Variants in NCLN observed in about 807,000 individuals in gnomAD.
NCLN encodes nicalin.
A neutral mutation model predicts 69.5 loss-of-function variants in NCLN; 34 were observed. The ratio of observed to expected loss-of-function variants is 0.49; its 90% CI spans 0.37 to 0.65. NCLN has a LOEUF of 0.65. NCLN is among the 30% of genes least tolerant of loss of function. NCLN has a pLI of 0.00. For synonymous variants in NCLN, 393 were observed against 358.3 expected, an observed-to-expected ratio of 1.10 and a Z score of -1.09; for missense variants, 710 against 804.8, an observed-to-expected ratio of 0.88 and a Z score of 1.42.
rs553618444 is a variant in NCLN, at chr19:3,187,703, C to T, written c.184+1489C>T. ...GGACGCTGCTCAATTCCCTGTAGTG[C>T]CCAGGACGGCCCCACCCCAGAGAAC... On this transcript the variant is annotated intron_variant, in intron 1 of 14. Coordinates refer to ENST00000246117, the MANE Select transcript of NCLN (RefSeq NM_020170.4). Among the ~76,000 whole-genome samples the T allele has an allele frequency of 2.0e-5, 3 of 152,306 alleles. No homozygotes were observed. The South Asian group carries it at 6.2e-4, about 32-fold the overall frequency.
Position 3,204,738 on chromosome 19 carries a change from A to G in NCLN, c.1195A>G (p.Ile399Val). Residue 399 changes from isoleucine (I) to valine (V), a missense_variant, in exon 9 of 15, where the codon ATC becomes GTC. Physicochemically the swap from Ile to Val is conservative, Grantham distance 29. Transcript: ENST00000246117. ...ESHRDGQRSS[I>V]MDVRSRVDSK... ...CCACCGTGACGGCCAGCGCAGCAGC[A>G]TCATGGACGTGCGGTGAGCGCGGCA... The G allele has an allele frequency of 6.4e-7, 1 of 1,551,096 alleles. No individual in the cohort carries two copies. Among genetic ancestry groups the G allele is most frequent in the Non-Finnish European group, 8.7e-7 (1 of 1,147,688 alleles).
Position 3,205,489 on chromosome 19 carries a change from G to A in NCLN, c.1209-450G>A, listed in dbSNP as rs542274322. 5.3e-5 allele frequency among the ~76,000 whole-genome samples: 8 copies of A among 152,300 alleles called. No homozygotes were observed. The South Asian group carries it at 1.7e-3, about 32-fold the overall frequency. ...CCTGGAAAGGATGGAGGTGGCGGTC[G>A]CCCACCAGCCAGGAAAGATTGCCAG... On this transcript the variant is annotated intron_variant, in intron 9 of 14. Transcript: ENST00000246117. This position sits in a 1 kb window ranked among gnomAD's most constrained non-coding sequence, Gnocchi z 4.6.
At chr19:3,207,331 A>G (rs1465778559) in intron 13 of NCLN, 60 bp from the exon 14 acceptor site, 4 of 1,612,378 alleles carry the variant, frequency 2.5e-6, no homozygotes, top group South Asian at 1.1e-5. Flanking sequence ...ACGGGGGTCT[A>G]GGGGTTCATG....
intron 14 of NCLN, 72 bp from the exon 15 acceptor site, chr19:3,207,557 C>A: frequency 6.2e-7 from 1 of 1,607,510 alleles, no homozygotes; most frequent in Non-Finnish European, 8.5e-7. Flanking sequence ...TGGCCCCTGG[C>A]TCAGCCTAGA....
Position 3,206,201 on chromosome 19 carries a change from C to G in NCLN, c.1335+11C>G, listed in dbSNP as rs1430745405. On this transcript the variant is annotated intron_variant, in intron 11 of 14. Transcript: ENST00000246117. ...TTCACAGAGCAGATGGTAAGGGGGC[C>G]AGGCCAGTGGGTGGGTGGGTGGGCG... 3.7e-6 allele frequency: 4 copies of G among 1,083,342 alleles called. No individual in the cohort carries two copies. Among genetic ancestry groups the G allele is most frequent in the Non-Finnish European group, 4.9e-6 (4 of 814,888 alleles). 67.1% of individuals were successfully genotyped at this position (1,083,342 alleles called of 1,614,324 possible). A position where few individuals can be genotyped will look rare whatever the true frequency, so the allele number is the denominator to read the frequency against.
At chr19:3,201,755 T>C in intron 6 of NCLN, 129 bp downstream of exon 6, 3 of 736,000 alleles carry the variant, frequency 4.1e-6, no homozygotes, top group Non-Finnish European at 6.4e-6. Flanking sequence ...AGCCCAGGAA[T>C]TGGGGCGCCT....
intron 4 of NCLN, among the ~76,000 whole-genome samples, chr19:3,197,974 C>T (rs1328743945): frequency 6.6e-6 from 1 of 152,236 alleles, no homozygotes; most frequent in Non-Finnish European, 1.5e-5. Flanking sequence ...GCAAGCCGTC[C>T]ATGGCAGTTT....
At chr19:3,197,049 A>G (rs993664674) in intron 4 of NCLN, among the ~76,000 whole-genome samples, 1 of 152,236 alleles carries the variant, frequency 6.6e-6, no homozygotes, top group Non-Finnish European at 1.5e-5. Context: ...CCGGCTCCCC[A>G]TAGACAGGCC....
In NCLN at chr19:3,207,389, A is replaced by G; in HGVS notation, c.1554-2A>G. ...ACCTCAGGGACCCTGCTTTCTCCAC[A>G]GAGTCAAGCCGGCCGTCTTTGACCT... On this transcript the variant is annotated splice_acceptor_variant, in intron 13 of 14. Coordinates refer to ENST00000246117, the MANE Select transcript of NCLN (RefSeq NM_020170.4). LOFTEE classifies it high-confidence loss of function. 6.2e-7 allele frequency: 1 copy of G among 1,613,088 alleles called. No homozygotes were observed. The highest frequency in any genetic ancestry group is 1.1e-5 in the South Asian group (1 of 91,084).
chr19:3,187,231 C>T (rs1342911278), intron 1 of NCLN, among the ~76,000 whole-genome samples: 1 of 152,234 alleles, frequency 6.6e-6, no homozygotes, highest in Non-Finnish European at 1.5e-5. Context: ...GGCCCTGACC[C>T]CAGTGTCTAG....
rs987803314 is a variant in NCLN at position 3,207,924 on chromosome 19, G to A, written c.*236G>A. 2.2e-5 allele frequency: 12 copies of A among 534,760 alleles called. No homozygotes were observed. Among genetic ancestry groups the A allele is most frequent in the African/African-American group, 2.1e-4 (11 of 52,354 alleles). 33.1% of individuals were successfully genotyped at this position (534,760 alleles called of 1,614,324 possible). On this transcript the variant is annotated 3_prime_UTR_variant, in exon 15 of 15. Coordinates refer to ENST00000246117, the MANE Select transcript of NCLN (RefSeq NM_020170.4). ...TTCCTTGGAGGAGAGCTTGGGAGAC[G>A]TCCCGGGGCCAGGCTACGGACTTGC...
chr19:3,185,962 T>G lies in NCLN; in HGVS notation c.-69T>G, dbSNP rs1341979524. The stretch of plus-strand genomic sequence containing the variant: ...CGGCGGCTACCCATGCCGAGGTGAG[T>G]CCGCGGGAGCCGCCGCCGCCGCCGT... On this transcript the variant is annotated 5_prime_UTR_variant, in exon 1 of 15. Transcript: ENST00000246117. The G allele has an allele frequency of 5.4e-6, 7 of 1,294,514 alleles. No individual in the cohort carries two copies. Among genetic ancestry groups the G allele is most frequent in the Non-Finnish European group, 7.0e-6 (7 of 1,003,914 alleles). The allele number at this position is 1,294,514 out of a possible 1,614,324, so 80.2% of individuals were successfully genotyped here.
intron 1 of NCLN, among the ~76,000 whole-genome samples, chr19:3,190,891 C>A (rs1915803695): frequency 6.6e-6 from 1 of 152,152 alleles, no homozygotes; most frequent in Non-Finnish European, 1.5e-5. Context: ...ATTGGGATTT[C>A]CGGCTTCTGG....
intron 1 of NCLN, among the ~76,000 whole-genome samples, chr19:3,189,182 C>T (rs879318341): frequency 3.3e-5 from 5 of 152,160 alleles, no homozygotes; most frequent in Admixed American, 6.5e-5. Context: ...CTGGCCCTGC[C>T]GGGTGAAGGC....
chr19:3,193,207 G>A, intron 2 of NCLN, 77 bp from the exon 3 acceptor site: 1 of 1,388,690 alleles, frequency 7.2e-7, no homozygotes, highest in African/African-American at 1.5e-5. Context: ...CCCCCACCAG[G>A]GACAGTCACT....
At chr19:3,203,668 C>T in intron 6 of NCLN, 88 bp from the exon 7 acceptor site, 1 of 1,219,168 alleles carries the variant, frequency 8.2e-7, no homozygotes, top group East Asian at 2.5e-5. Flanking sequence ...ACCTTCATAC[C>T]CTTCCTGGGG....
chr19:3,207,533 C>T (rs760517843), intron 14 of NCLN, 64 bp downstream of exon 14: 1 of 1,608,122 alleles, frequency 6.2e-7, no homozygotes, highest in East Asian at 2.2e-5. Context: ...GGCTGGGCGT[C>T]TCCAAGTGCA....
chr19:3,186,878 T>C (rs1299915256), intron 1 of NCLN, among the ~76,000 whole-genome samples: 1 of 151,744 alleles, frequency 6.6e-6, no homozygotes, highest in East Asian at 1.9e-4. Flanking sequence ...CTGAATTTTC[T>C]CGCTCTAGTC....
At chr19:3,199,715 T>G (rs1286335070) in intron 5 of NCLN, among the ~76,000 whole-genome samples, 8 of 85,398 alleles carry the variant, frequency 9.4e-5, no homozygotes, top group Non-Finnish European at 2.1e-5. Flanking sequence ...TTTTTTTTTT[T>G]TAATTGAGAC....
Sources: gnomAD v4.1 joint callset for allele counts (sites outside exome capture counted in the v4.1 genomes callset) on GRCh38, gnomAD v4.1.1 for gene constraint, Gnocchi (gnomAD v3.1) non-coding constraint, MANE v1.5 for transcripts, NCBI Gene and HGNC (gene_info 2026-07-23, HGNC 2026-07-21) for gene names.